SNX25: variants seen among roughly 807,000 people sequenced by gnomAD.
The protein encoded by SNX25 is sorting nexin-25.
SNX25 carries 62 observed loss-of-function variants against 113.7 expected under a neutral mutation model. The ratio of observed to expected loss-of-function variants is 0.55; its 90% confidence interval spans 0.44 to 0.67. The LOEUF is 0.67. Among genes scored for constraint, SNX25 ranks in the 30% least tolerant of loss-of-function variants. The pLI, the probability that SNX25 is intolerant of heterozygous loss-of-function variation, is 0.00. For synonymous variants in SNX25, 421 were observed against 436.2 expected (o/e 0.97, Z 0.43); for missense variants, 1,014 against 1,161.0 (o/e 0.87, Z 1.84).
intron 1 of SNX25, among the ~76,000 whole-genome samples, chr4:185,230,652 G>A (rs1741708757): frequency 6.6e-6 from 1 of 151,970 alleles, no homozygotes; most frequent in African/African-American, 2.4e-5. Flanking sequence ...ACCTGCCTCG[G>A]CCTCCCAAAG....
At chr4:185,287,960 A>G in intron 5 of SNX25, 52 bp from the exon 6 acceptor site, 2 of 1,425,658 alleles carry the variant, frequency 1.4e-6, no homozygotes, top group Non-Finnish European at 2.0e-6. Flanking sequence ...TATTTCTGAA[A>G]ATAGTATTTT....
At chr4:185,296,090 A>C (rs922264684) in intron 6 of SNX25, 2 of 152,188 alleles carry the variant, frequency 1.3e-5, no homozygotes, top group Non-Finnish European at 2.9e-5. Flanking sequence ...TGGAGGGGAC[A>C]AATGCTTGCT....
chr4:185,370,106 C>A, exon 12 of SNX25: 1 of 161,140 alleles, frequency 6.2e-6, no homozygotes, highest in East Asian at 1.7e-4. Context: ...TCCACTACCA[C>A]ACCCCTTGCT....
chr4:185,271,596 T>G (rs1748945382), intron 5 of SNX25, among the ~76,000 whole-genome samples: 1 of 152,248 alleles, frequency 6.6e-6, no homozygotes, highest in African/African-American at 2.4e-5. Flanking sequence ...GTTGTTTTTC[T>G]GGTACAATTA....
chr4:185,239,431 T>A (rs6822355), intron 1 of SNX25, among the ~76,000 whole-genome samples: 1 of 151,986 alleles, frequency 6.6e-6, no homozygotes, highest in African/African-American at 2.4e-5. Flanking sequence ...TGCAGTGAGC[T>A]GAGATCGCAC....
chr4:185,209,106 G>GA (rs1737346133), upstream of SNX25, among the ~76,000 whole-genome samples: 1 of 152,212 alleles, frequency 6.6e-6, no homozygotes, highest in African/African-American at 2.4e-5. This position sits in a 1 kb window ranked among gnomAD's most constrained non-coding sequence, Gnocchi z 5.2. Context: ...CCATAGCTAG[G>GA]AATTGCAGGC....
At chr4:185,220,585 A>G (rs1235607870) in intron 1 of SNX25, among the ~76,000 whole-genome samples, 1 of 150,716 alleles carries the variant, frequency 6.6e-6, no homozygotes, top group African/African-American at 2.4e-5. Context: ...AGGTTCAAGC[A>G]ATTCTCCTGC....
chr4:185,361,194 A>G (rs1490287967), intron 16 of SNX25, among the ~76,000 whole-genome samples: 1 of 152,126 alleles, frequency 6.6e-6, no homozygotes, highest in African/African-American at 2.4e-5. Context: ...GCAACACTAA[A>G]AGACAGCTAC....
intron 4 of SNX25, among the ~76,000 whole-genome samples, chr4:185,266,100 T>G (rs2126545151): frequency 6.6e-6 from 1 of 152,290 alleles, no homozygotes; most frequent in South Asian, 2.1e-4. Context: ...ATTATCTCAT[T>G]TACTATCTCA....
chr4:185,369,887 AT>A lies in SNX25; in HGVS notation c.*1143del, dbSNP rs2095409229. The A allele has an allele frequency of 5.3e-5, 19 of 355,234 alleles. 2 individuals carry two copies. The highest frequency in any genetic ancestry group is 4.2e-4 in the South Asian group (18 of 43,324). The allele number at this position is 355,234 out of a possible 1,614,324, so 22.0% of individuals were successfully genotyped here. A position where few individuals can be genotyped will look rare whatever the true frequency, so the allele number is the denominator to read the frequency against. On this transcript the variant is annotated 3_prime_UTR_variant and NMD_transcript_variant, in exon 12 of 12. Transcript: ENST00000504959. Reference sequence around the variant, plus strand: ...GAAGCTTGGGAACCACTGCTGTAATATCAGAGTCAGCCAAGGGACTCAGAAG... The same window carrying A: ...GAAGCTTGGGAACCACTGCTGTAATACAGAGTCAGCCAAGGGACTCAGAAG...
At chr4:185,331,938 G>T (rs2095198218) in intron 9 of SNX25, among the ~76,000 whole-genome samples, 1 of 152,240 alleles carries the variant, frequency 6.6e-6, no homozygotes, top group African/African-American at 2.4e-5. Flanking sequence ...CCAGAAGCTA[G>T]ATCTCAGCAA....
At position 185,245,139 on chromosome 4, in the gene SNX25, G is replaced by GA. The variant is rs573730660; in HGVS notation, c.430-2146dup. ...CAAGAACTTGTAATATTTCTCACGT[G>GA]AAAAAAAAATGTTCTGCAATTTTTT... On this transcript the variant is annotated intron_variant, in intron 1 of 18. Coordinates refer to ENST00000652585, the MANE Select transcript of SNX25 (RefSeq NM_001378034.2). 6.0e-5 allele frequency among the ~76,000 whole-genome samples: 9 copies of GA among 150,108 alleles called. No homozygotes were observed. The South Asian group carries it at 1.9e-3, about 32-fold the overall frequency.
At chr4:185,374,598 A>G (rs1461688665), downstream of SNX25, 5 of 882,586 alleles carry the variant, frequency 5.7e-6, no homozygotes, top group Admixed American at 2.9e-5. Flanking sequence ...AAGGGGTACA[A>G]TTGTCCTGGA....
intron 6 of SNX25, among the ~76,000 whole-genome samples, chr4:185,305,151 C>T (rs920088569): frequency 8.5e-5 from 13 of 152,140 alleles, no homozygotes; most frequent in Admixed American, 2.6e-4. Context: ...TTTTGGTTGT[C>T]GTCTTTGGGG....
chr4:185,371,368 T>C (rs1182983044), downstream of SNX25, among the ~76,000 whole-genome samples: 2 of 151,594 alleles, frequency 1.3e-5, no homozygotes, highest in East Asian at 3.9e-4. Context: ...TGAAACCCCG[T>C]CTCTACTAAA....
chr4:185,289,728 A>G (rs1385662659), intron 6 of SNX25, among the ~76,000 whole-genome samples: 2 of 152,198 alleles, frequency 1.3e-5, no homozygotes, highest in Non-Finnish European at 2.9e-5. Flanking sequence ...ACTTCCAGAC[A>G]GATGGATAAT....
intron 5 of SNX25, among the ~76,000 whole-genome samples, chr4:185,271,824 A>C (rs558443951): frequency 2.5e-4 from 38 of 152,254 alleles, no homozygotes; most frequent in Non-Finnish European, 5.1e-4. Flanking sequence ...ATGCGCTAAA[A>C]ACAAACACAA....
the SNX25 span, among the ~76,000 whole-genome samples, chr4:185,376,443 C>CTTTTTTTTTTTT: frequency 5.5e-4 from 58 of 105,794 alleles, no homozygotes; most frequent in African/African-American, 8.6e-4. Context: ...TGCCCAGCTA[C>CTTTTTTTTTTTT]TTTTTTTTTT....
In SNX25 at chr4:185,334,996, A is replaced by T. The variant is rs1303892163; in HGVS notation, c.1914+2237A>T. Among the ~76,000 whole-genome samples, 1 of 152,292 alleles carries T rather than the reference A, an allele frequency of 6.6e-6. No homozygotes were observed. The highest frequency in any genetic ancestry group is 1.9e-4 in the East Asian group (1 of 5,182). The stretch of plus-strand genomic sequence containing the variant: ...ATAGTCCTCCTTTTGTCGTTTACTT[A>T]TGTTGGTAAAAAATTAATAATTTTT... On this transcript the variant is annotated intron_variant, in intron 10 of 18. Transcript: ENST00000652585. This position sits in a 1 kb window ranked among gnomAD's most constrained non-coding sequence, Gnocchi z 4.2.
Sources: gnomAD v4.1 joint callset for allele counts (sites outside exome capture counted in the v4.1 genomes callset) on GRCh38, gnomAD v4.1.1 for gene constraint, Gnocchi (gnomAD v3.1) non-coding constraint, MANE v1.5 for transcripts, NCBI Gene and HGNC (gene_info 2026-07-23, HGNC 2026-07-21) for gene names.